The following RIOX2 variants were observed in gnomAD, a reference collection of about 807,000 sequenced individuals.
RIOX2 encodes ribosomal oxygenase 2.
In RIOX2, 43 loss-of-function variants were observed where a neutral mutation model predicts 51.2. The observed-to-expected ratio is 0.84, with a 90% CI of 0.66 to 1.08. RIOX2 has a LOEUF of 1.08. RIOX2 is among the 50% of genes least tolerant of loss of function. The pLI, the probability that RIOX2 is intolerant of heterozygous loss-of-function variation, is 0.00. For missense variants in RIOX2, 566 were observed against 561.7 expected (o/e 1.01, Z -0.08); for synonymous variants, 226 against 218.5 (o/e 1.03, Z -0.30).
At chr3:97,951,465 A>T (rs1193441281) in intron 5 of RIOX2, among the ~76,000 whole-genome samples, 1 of 152,218 alleles carries the variant, frequency 6.6e-6, no homozygotes, top group Non-Finnish European at 1.5e-5. Flanking sequence ...ACCGGGGGAT[A>T]GAAGCCAGTG....
At chr3:97,970,818 A>G (rs1706098305) in intron 1 of RIOX2, among the ~76,000 whole-genome samples, 2 of 152,240 alleles carry the variant, frequency 1.3e-5, no homozygotes, top group Admixed American at 1.3e-4. Flanking sequence ...GTTGACAACC[A>G]TACTATAGGC....
chr3:97,959,211 G>C, intron 3 of RIOX2, 32 bp from the exon 4 acceptor site: 1 of 1,597,978 alleles, frequency 6.3e-7, no homozygotes, highest in South Asian at 1.1e-5. Flanking sequence ...GAGCATCAGA[G>C]AGCTTCCTGA....
In RIOX2 at chr3:97,947,377, G is replaced by A. The variant is rs774731343; in HGVS notation, c.1133C>T (p.Pro378Leu). ...GATACTCACAGATTGATCTTGATCCGGCAGTACTGTGAGGACAATGTGGTC... is the reference window on the plus strand; with the variant it reads ...GATACTCACAGATTGATCTTGATCCAGCAGTACTGTGAGGACAATGTGGTC... Reference protein sequence around the residue: ...FKDHIVLTVLPDQDQSDEAQE... With the variant: ...FKDHIVLTVLLDQDQSDEAQE... The change falls in exon 8 of 10, where the codon CCG (proline) becomes CTG (leucine). Residue 378 changes from proline to leucine, a missense_variant. Pro to Leu is a moderately conservative substitution (Grantham distance 98). Transcript: ENST00000394198. The A allele has an allele frequency of 1.7e-5, 27 of 1,612,756 alleles. No homozygotes were observed. Among genetic ancestry groups the A allele is most frequent in the Middle Eastern group, 3.3e-4 (2 of 6,076 alleles).
At chr3:97,967,139 T>G (rs369322240) in intron 2 of RIOX2, 23 bp downstream of exon 2, 14 of 1,600,442 alleles carry the variant, frequency 8.7e-6, no homozygotes, top group Non-Finnish European at 7.7e-6. Flanking sequence ...GTATGAGGAT[T>G]CTGCAATGGG....
intron 4 of RIOX2, 51 bp from the exon 5 acceptor site, chr3:97,954,546 A>ACCCT: frequency 7.0e-7 from 1 of 1,436,680 alleles, no homozygotes; most frequent in Non-Finnish European, 9.7e-7. Context: ...ATTCCTTCTC[A>ACCCT]GTCCTCTTCA....
At chr3:97,969,491 C>T (rs186725860) in intron 1 of RIOX2, among the ~76,000 whole-genome samples, 54 of 152,266 alleles carry the variant, frequency 3.5e-4, no homozygotes, top group African/African-American at 1.2e-3. Context: ...AGCTTGTGGC[C>T]GATGTCTGAG....
chr3:97,964,088 C>G (rs1249760691), intron 2 of RIOX2, among the ~76,000 whole-genome samples: 1 of 152,098 alleles, frequency 6.6e-6, no homozygotes, highest in Non-Finnish European at 1.5e-5. Context: ...GATTCGATAT[C>G]CAGCGAGCCC....
chr3:97,961,456 A>T, intron 3 of RIOX2, 133 bp downstream of exon 3: 10 of 962,114 alleles, frequency 1.0e-5, no homozygotes, highest in Non-Finnish European at 1.3e-5. Flanking sequence ...AATATCTCAG[A>T]AACTGCACAG....
chr3:97,946,418 T>TA (rs1333689507), intron 8 of RIOX2, among the ~76,000 whole-genome samples: 4 of 151,896 alleles, frequency 2.6e-5, no homozygotes, highest in African/African-American at 7.3e-5. Context: ...CTCCCCATGT[T>TA]ACACAGTGCA....
chr3:97,964,844 A>G (rs1576015915), intron 2 of RIOX2, among the ~76,000 whole-genome samples: 1 of 152,150 alleles, frequency 6.6e-6, no homozygotes, highest in African/African-American at 2.4e-5. Context: ...CAAAATGCAA[A>G]TAATTGTGAT....
chr3:97,971,951 TA>T (rs2044304283), intron 1 of RIOX2: 1 of 152,266 alleles, frequency 6.6e-6, no homozygotes, highest in South Asian at 2.1e-4. Context: ...GCGTGTCTCT[TA>T]GGCCCGACAT....
Position 97,959,059 on chromosome 3 carries a change from T to C in RIOX2, c.673A>G (p.Met225Val). The change falls in exon 4 of 10, where the codon ATG becomes GTG. Residue 225 changes from methionine (M) to valine (V), a missense_variant. Coordinates refer to ENST00000394198, the MANE Select transcript of RIOX2 (RefSeq NM_153182.4). ...CAACGGTTATCACATACCTTCAGCA[T>C]AAACTCATGCACCGGCCTGCCGATC... ...ERIGRPVHEF[M>V]LKPGDLLYFP... 1 of 1,612,536 alleles carries C rather than the reference T, an allele frequency of 6.2e-7. No homozygotes were observed.
chr3:97,958,446 T>G (rs546849500), intron 4 of RIOX2, among the ~76,000 whole-genome samples: 5 of 152,228 alleles, frequency 3.3e-5, no homozygotes, highest in Admixed American at 2.6e-4. Context: ...CAAAGACAGA[T>G]TTTCTCAGCA....
At chr3:97,971,665 C>G (rs902862897) in intron 1 of RIOX2, 6 of 152,164 alleles carry the variant, frequency 3.9e-5, no homozygotes, top group African/African-American at 1.4e-4. Flanking sequence ...GCAGAAGAAG[C>G]TGAGTAAATC....
rs946059362 is a variant in RIOX2, at chr3:97,944,990, G to A, written c.*194C>T. ...GGTTTTGTCATTTTCTGAGACACTT[G>A]GTAATTTGCTGTTCTTTCTTTCATG... On this transcript the variant is annotated 3_prime_UTR_variant, in exon 10 of 10. Transcript: ENST00000394198. The A allele has an allele frequency of 5.0e-5, 21 of 420,782 alleles. No individual in the cohort carries two copies. The highest frequency in any genetic ancestry group is 7.2e-5 in the Non-Finnish European group (17 of 237,692). The allele number at this position is 420,782 out of a possible 1,614,324, so 26.1% of individuals were successfully genotyped here.
intron 6 of RIOX2, 61 bp downstream of exon 6, chr3:97,950,725 G>T (rs1249714423): frequency 7.5e-7 from 1 of 1,339,392 alleles, no homozygotes; most frequent in South Asian, 1.2e-5. Flanking sequence ...CTTAAGGTAG[G>T]ACTTCAGCTG....
chr3:97,942,503 C>T lies in RIOX2; in HGVS notation c.*2681G>A. 1 of 1,436,022 alleles carries T rather than the reference C, an allele frequency of 7.0e-7. No homozygotes were observed. The highest frequency in any genetic ancestry group is 9.4e-7 in the Non-Finnish European group (1 of 1,062,938). The allele number at this position is 1,436,022 out of a possible 1,614,324, so 89.0% of individuals were successfully genotyped here. Reference sequence around the variant, plus strand: ...GGATATTAGTTTCAGTTCCAAATCTCCTCATTTTGGGTAAAGGACATCCTT... The same window carrying T: ...GGATATTAGTTTCAGTTCCAAATCTTCTCATTTTGGGTAAAGGACATCCTT... On this transcript the variant is annotated 3_prime_UTR_variant, in exon 10 of 10. Coordinates refer to ENST00000394198, the MANE Select transcript of RIOX2 (RefSeq NM_153182.4).
intron 2 of RIOX2, among the ~76,000 whole-genome samples, chr3:97,963,130 T>TGG (rs1162889654): frequency 6.6e-6 from 1 of 152,198 alleles, no homozygotes; most frequent in Non-Finnish European, 1.5e-5. Context: ...GAAAAAAGAC[T>TGG]TTTTTAAGAC....
rs187529429 is a variant in RIOX2 at position 97,943,475 on chromosome 3, T to A, written c.*1709A>T. ...CCTCTGAGACTATCGCTCTTAACCATGGAAAAGCTCAAAATATTCTTGCCA... is the reference window on the plus strand; with the variant it reads ...CCTCTGAGACTATCGCTCTTAACCAAGGAAAAGCTCAAAATATTCTTGCCA... On this transcript the variant is annotated 3_prime_UTR_variant, in exon 10 of 10. Coordinates refer to ENST00000394198, the MANE Select transcript of RIOX2 (RefSeq NM_153182.4). 1.7e-6 allele frequency: 1 copy of A among 582,244 alleles called. No individual in the cohort carries two copies. The highest frequency in any genetic ancestry group is 3.0e-6 in the Non-Finnish European group (1 of 334,908). The allele number at this position is 582,244 out of a possible 1,614,324, so 36.1% of individuals were successfully genotyped here.
Sources: allele counts gnomAD v4.1 joint callset (sites outside exome capture counted in the v4.1 genomes callset), GRCh38; gene constraint gnomAD v4.1.1; transcripts MANE v1.5; gene names NCBI Gene and HGNC (gene_info 2026-07-23, HGNC 2026-07-21).